NAMPT: variants seen among roughly 807,000 people sequenced by gnomAD.
NAMPT encodes NAmPRTase.
In NAMPT, 7 loss-of-function variants were observed where a neutral mutation model predicts 58.7. The ratio of observed to expected loss-of-function variants is 0.12; its 90% CI spans 0.07 to 0.22. NAMPT has a LOEUF of 0.22. NAMPT is among the 10% of genes least tolerant of loss of function. The pLI is 1.00. For missense variants in NAMPT, 271 were observed against 567.9 expected (o/e 0.48, Z 5.31); for synonymous variants, 145 against 198.1 (o/e 0.73, Z 2.25).
intron 8 of NAMPT, among the ~76,000 whole-genome samples, chr7:106,259,328 A>G (rs897065477): frequency 3.3e-5 from 5 of 152,186 alleles, no homozygotes; most frequent in African/African-American, 9.7e-5. Context: ...ATTTCTTCCA[A>G]ACTCCTGTTA....
At chr7:106,266,525 T>C (rs763529067) in intron 6 of NAMPT, among the ~76,000 whole-genome samples, 12 of 152,344 alleles carry the variant, frequency 7.9e-5, no homozygotes, top group Non-Finnish European at 1.2e-4. Flanking sequence ...TGTAAAAGTG[T>C]TCAACAAGGC....
At chr7:106,272,508 A>T (rs146805666) in intron 4 of NAMPT, 22 bp downstream of exon 4, 1 of 1,588,994 alleles carries the variant, frequency 6.3e-7, no homozygotes, top group Non-Finnish European at 8.6e-7. Flanking sequence ...AATGTTAAAT[A>T]AGAATTAAAA....
Position 106,250,422 on chromosome 7 carries a change from A to C in NAMPT, c.*661T>G, listed in dbSNP as rs2115710411. The C allele has an allele frequency of 6.5e-6, 1 of 152,768 alleles. No individual in the cohort carries two copies. The highest frequency in any genetic ancestry group is 2.4e-5 in the African/African-American group (1 of 41,556). The allele number at this position is 152,768 out of a possible 1,614,324, so 9.5% of individuals were successfully genotyped here. On this transcript the variant is annotated 3_prime_UTR_variant, in exon 11 of 11. Transcript: ENST00000222553. Reference sequence around the variant, plus strand: ...TATAATAACTGTACAGTGCCTAGACATTCCAGTAAGAACCATTATTTTCTT... The same window carrying C: ...TATAATAACTGTACAGTGCCTAGACCTTCCAGTAAGAACCATTATTTTCTT...
upstream of NAMPT, chr7:106,285,240 C>T (rs1458045054): frequency 1.1e-5 from 10 of 944,016 alleles, no homozygotes; most frequent in Middle Eastern, 4.5e-4. Flanking sequence ...ACGTGATGCA[C>T]GCGCTCTTCC....
At chr7:106,256,665 T>G (rs752765099) in intron 8 of NAMPT, among the ~76,000 whole-genome samples, 1 of 152,212 alleles carries the variant, frequency 6.6e-6, no homozygotes, top group Non-Finnish European at 1.5e-5. Flanking sequence ...ATAGGTTTTG[T>G]GTTAGATGAC....
At chr7:106,285,795 T>C (rs1320055183), upstream of NAMPT, 1 of 155,640 alleles carries the variant, frequency 6.4e-6, no homozygotes, top group African/African-American at 2.4e-5. Context: ...TGGAATTCAG[T>C]CCTCACAGAT....
In NAMPT at chr7:106,268,646, A is replaced by C. The variant is rs528715388; in HGVS notation, c.607-46T>G. 172 of 1,430,656 alleles carry C rather than the reference A, an allele frequency of 1.2e-4. No homozygotes were observed. In the South Asian group the frequency reaches 1.9e-3, roughly 16 times the overall value. The allele number at this position is 1,430,656 out of a possible 1,614,324, so 88.6% of individuals were successfully genotyped here. A position where few individuals can be genotyped will look rare whatever the true frequency, so the allele number is the denominator to read the frequency against. Reference sequence around the variant, plus strand: ...CAAAATCCAAAACAGAAAGAAACCCACATTAATAATACCAGGATGCAGCCA... The same window carrying C: ...CAAAATCCAAAACAGAAAGAAACCCCCATTAATAATACCAGGATGCAGCCA... On this transcript the variant is annotated intron_variant, in intron 5 of 10. Coordinates refer to ENST00000222553, the MANE Select transcript of NAMPT (RefSeq NM_005746.3).
intron 8 of NAMPT, among the ~76,000 whole-genome samples, chr7:106,257,699 G>A (rs1383364208): frequency 4.6e-5 from 7 of 152,010 alleles, no homozygotes. Flanking sequence ...AAAGAAAGCC[G>A]AAGAGCTTTG....
upstream of NAMPT, chr7:106,285,070 C>T: frequency 1.5e-6 from 2 of 1,353,076 alleles, no homozygotes; most frequent in Non-Finnish European, 1.9e-6. Flanking sequence ...TGACGCGGCG[C>T]GGGTGACGGC....
chr7:106,279,596 G>C (rs939193126), intron 1 of NAMPT, among the ~76,000 whole-genome samples: 8 of 152,112 alleles, frequency 5.3e-5, no homozygotes, highest in Non-Finnish European at 1.2e-4. Flanking sequence ...ACCTTCACCA[G>C]AAAATTGGAT....
intron 8 of NAMPT, among the ~76,000 whole-genome samples, chr7:106,258,836 ATCAGGGTTGCTGAAGG>A (rs1792254423): frequency 2.3e-5 from 1 of 43,120 alleles, no homozygotes; most frequent in East Asian, 0.015. Flanking sequence ...CTGCTGACTG[ATCAGGGTTGCTGAAGG>A]TTTTGGGGTG....
intron 8 of NAMPT, among the ~76,000 whole-genome samples, chr7:106,261,068 T>TA (rs950986977): frequency 1.3e-4 from 20 of 152,190 alleles, no homozygotes; most frequent in South Asian, 6.2e-4. Context: ...CTTCAATTTG[T>TA]AAAAAAATGC....
In NAMPT at chr7:106,274,836, C is replaced by T. The variant is rs1015620069; in HGVS notation, c.318+110G>A. On this transcript the variant is annotated intron_variant, in intron 3 of 10. Coordinates refer to ENST00000222553, the MANE Select transcript of NAMPT (RefSeq NM_005746.3). ...TGCCACTGCACTCCAGCCTGGGTGA[C>T]AGAGTGACACTTTCTCTCAAAAAAC... 6.7e-5 allele frequency: 46 copies of T among 683,514 alleles called. No homozygotes were observed. The Middle Eastern group carries it at 1.7e-3, about 26-fold the overall frequency. The allele number at this position is 683,514 out of a possible 1,614,324, so 42.3% of individuals were successfully genotyped here.
chr7:106,254,642 ATT>A, intron 8 of NAMPT, 138 bp from the exon 9 acceptor site: 1 of 1,014,612 alleles, frequency 9.9e-7, no homozygotes. Context: ...TATAGCCCGC[ATT>A]TTGTTTTTAA....
rs550873033 is a variant in NAMPT, at chr7:106,250,187, A to G, written c.*896T>C. 1 of 152,480 alleles carries G rather than the reference A, an allele frequency of 6.6e-6. No individual in the cohort carries two copies. The highest frequency in any genetic ancestry group is 1.5e-5 in the Non-Finnish European group (1 of 67,948). The allele number at this position is 152,480 out of a possible 1,614,324, so 9.4% of individuals were successfully genotyped here. A position where few individuals can be genotyped will look rare whatever the true frequency, so the allele number is the denominator to read the frequency against. On this transcript the variant is annotated 3_prime_UTR_variant, in exon 11 of 11. Transcript: ENST00000222553. ...ATATGAAAAATAAATTCAGAAGTGT[A>G]ATTACTTTAAAATACACTACTTCCA...
chr7:106,253,097 G>C lies in NAMPT; in HGVS notation c.1285C>G (p.Arg429Gly). The C allele has an allele frequency of 6.2e-7, 1 of 1,613,142 alleles. No individual in the cohort carries two copies. The highest frequency in any genetic ancestry group is 8.5e-7 in the Non-Finnish European group (1 of 1,179,428). ...GCTGGCGTCCTATGTAAAGATAATC[G>C]GCCCTTTTTGGACCTTTTGTTGGGA... Reference protein sequence around the residue: ...ADPNKRSKKGRLSLHRTPAGN... With the variant: ...ADPNKRSKKGGLSLHRTPAGN... The change falls in exon 10 of 11, where the codon CGA (arginine) becomes GGA (glycine). Residue 429 changes from arginine (R) to glycine (G), a missense_variant. This residue lies in a region of NAMPT where 143 missense variants were observed against 331.1 expected (regional missense o/e 0.43). Transcript: ENST00000222553.
At chr7:106,254,097 G>A (rs115780215) in intron 9 of NAMPT, among the ~76,000 whole-genome samples, 3,136 of 152,114 alleles carry the variant, frequency 0.021, 99 homozygotes, top group African/African-American at 0.072. Flanking sequence ...AGGTAAAAAC[G>A]GCAGTGGGAA....
At position 106,261,628 on chromosome 7, in the gene NAMPT, ACT is replaced by A. The variant is rs1421600501; in HGVS notation, c.1047_1048del (p.Arg349SerfsTer10). 1 of 1,591,750 alleles carries A rather than the reference ACT, an allele frequency of 6.3e-7. No homozygotes were observed. Among genetic ancestry groups the A allele is most frequent in the African/African-American group, 1.3e-5 (1 of 74,378 alleles). ...AATATCTACTCCATCCCCTTGAATA[ACT>A]CTAAGATAAGGTGGCAGCAACTTGT... is the stretch of plus-strand genomic sequence containing the variant. On this transcript the variant is annotated frameshift_variant, in exon 8 of 11. Transcript: ENST00000222553. LOFTEE classifies it high-confidence loss of function.
Position 106,250,934 on chromosome 7 carries a change from A to G in NAMPT, c.*149T>C, listed in dbSNP as rs1214004548. The G allele has an allele frequency of 3.3e-5, 21 of 634,546 alleles. No individual in the cohort carries two copies. In the East Asian group the frequency reaches 5.3e-4, roughly 16 times the overall value. The allele number at this position is 634,546 out of a possible 1,614,324, so 39.3% of individuals were successfully genotyped here. ...GCATTTCCTAATTTGAGATCACCTA[A>G]ACACTGGAAAAGAAAAAAAATGAAA... On this transcript the variant is annotated 3_prime_UTR_variant, in exon 11 of 11. Coordinates refer to ENST00000222553, the MANE Select transcript of NAMPT (RefSeq NM_005746.3).
Sources: gnomAD v4.1 joint callset for allele counts (sites outside exome capture counted in the v4.1 genomes callset) on GRCh38, gnomAD v4.1.1 for gene constraint, gnomAD v4.1.1 regional missense constraint, MANE v1.5 for transcripts, NCBI Gene and HGNC (gene_info 2026-07-23, HGNC 2026-07-21) for gene names.